The following BASP1 variants were observed in gnomAD, a reference collection of about 807,000 sequenced individuals.
BASP1 encodes the protein brain acid soluble protein 1.
In BASP1, 1 loss-of-function variant was observed where a neutral mutation model predicts 2.2. The observed-to-expected ratio is 0.46, with a 90% CI of 0.16 to 2.17. The LOEUF is 2.17. Ranked by LOEUF, BASP1 falls within the 30% of genes most tolerant of loss-of-function variation. The pLI is 0.27. For missense variants in BASP1, 352 were observed against 327.2 expected (o/e 1.08, Z -0.58); for synonymous variants, 187 against 154.2 (o/e 1.21, Z -1.58).
intron 1 of BASP1, among the ~76,000 whole-genome samples, chr5:17,246,262 A>G (rs1422568772): frequency 1.3e-5 from 2 of 151,940 alleles, no homozygotes; most frequent in Non-Finnish European, 2.9e-5. Context: ...CGGGTGGATC[A>G]TAAGGTCAGG....
intron 1 of BASP1, among the ~76,000 whole-genome samples, chr5:17,226,938 T>C (rs1739520035): frequency 4.5e-5 from 4 of 89,618 alleles, no homozygotes; most frequent in Non-Finnish European, 8.4e-5. Flanking sequence ...TTTCTTTTTT[T>C]TTTTTTTCTT....
chr5:17,238,108 G>T (rs1445729975), intron 1 of BASP1, among the ~76,000 whole-genome samples: 1 of 151,576 alleles, frequency 6.6e-6, no homozygotes, highest in Non-Finnish European at 1.5e-5. Flanking sequence ...TATTTGGTTT[G>T]TGACTTGTTT....
At chr5:17,219,846 T>C (rs78712350) in intron 1 of BASP1, among the ~76,000 whole-genome samples, 4,405 of 152,280 alleles carry the variant, frequency 0.029, 98 homozygotes, top group East Asian at 0.1. Flanking sequence ...GGAAATCTGA[T>C]GGGGGCAGAA....
intron 1 of BASP1, among the ~76,000 whole-genome samples, chr5:17,249,581 G>A (rs969040348): frequency 6.6e-6 from 1 of 151,940 alleles, no homozygotes; most frequent in Non-Finnish European, 1.5e-5. Context: ...CAAAACCAAA[G>A]GGTTTTAACC....
chr5:17,225,761 T>C (rs1338758813), intron 1 of BASP1, among the ~76,000 whole-genome samples: 1 of 152,200 alleles, frequency 6.6e-6, no homozygotes, highest in East Asian at 1.9e-4. Context: ...ATGGAGAGCT[T>C]TTATGCCGAT....
intron 1 of BASP1, among the ~76,000 whole-genome samples, chr5:17,238,251 G>C (rs1356120471): frequency 6.6e-6 from 1 of 151,620 alleles, no homozygotes; most frequent in Non-Finnish European, 1.5e-5. Flanking sequence ...GTCTTATGCA[G>C]GAAAAGTGGT....
chr5:17,249,003 T>C (rs933230106), intron 1 of BASP1, among the ~76,000 whole-genome samples: 1 of 152,206 alleles, frequency 6.6e-6, no homozygotes, highest in African/African-American at 2.4e-5. Flanking sequence ...ATTATATATG[T>C]GTTGCATTGT....
chr5:17,247,575 A>G (rs1740020891), intron 1 of BASP1, among the ~76,000 whole-genome samples: 1 of 152,248 alleles, frequency 6.6e-6, no homozygotes, highest in African/African-American at 2.4e-5. Context: ...TTGTGCCTCT[A>G]TGCACGAATG....
intron 1 of BASP1, among the ~76,000 whole-genome samples, chr5:17,233,866 C>A (rs180826708): frequency 1.3e-5 from 2 of 151,798 alleles, no homozygotes; most frequent in South Asian, 4.2e-4. Context: ...CAGTGGCTCA[C>A]GCCTGTAATG....
chr5:17,274,498 T>C (rs1183925684), intron 1 of BASP1, among the ~76,000 whole-genome samples: 1 of 152,226 alleles, frequency 6.6e-6, no homozygotes, highest in Non-Finnish European at 1.5e-5. Flanking sequence ...GAAAGCATTT[T>C]AAAATTGCAA....
At chr5:17,245,474 A>G (rs1299306658) in intron 1 of BASP1, among the ~76,000 whole-genome samples, 3 of 152,138 alleles carry the variant, frequency 2.0e-5, no homozygotes, top group African/African-American at 7.2e-5. Flanking sequence ...GCTAAATCTA[A>G]ATGCCAAATA....
Position 17,276,739 on chromosome 5 carries a change from C to CAAAAAA in BASP1, c.*844_*849dup. ...CTCATTGGAAAATGGAAAAAAAAAACAAAAAAAAAACAAAAAAATGTACAA... is the reference window on the plus strand; with the variant it reads ...CTCATTGGAAAATGGAAAAAAAAAACAAAAAAAAAAAAAAAACAAAAAAATGTACAA... On this transcript the variant is annotated 3_prime_UTR_variant, in exon 2 of 2. Transcript: ENST00000322611. The CAAAAAA allele has an allele frequency of 1.3e-5, 2 of 148,318 alleles. No individual in the cohort carries two copies. The allele number at this position is 148,318 out of a possible 1,614,324, so 9.2% of individuals were successfully genotyped here.
chr5:17,245,931 C>T (rs186599021), intron 1 of BASP1, among the ~76,000 whole-genome samples: 5 of 151,468 alleles, frequency 3.3e-5, no homozygotes, highest in African/African-American at 1.2e-4. Flanking sequence ...GACAGTAGGG[C>T]ATTACTACTA....
intron 1 of BASP1, among the ~76,000 whole-genome samples, chr5:17,256,739 T>G (rs1301745901): frequency 6.6e-6 from 1 of 152,208 alleles, no homozygotes; most frequent in Non-Finnish European, 1.5e-5. Context: ...GCTGCTTTTC[T>G]AAGGAGAGTG....
intron 1 of BASP1, among the ~76,000 whole-genome samples, chr5:17,219,579 A>G (rs1039939982): frequency 6.6e-6 from 1 of 152,184 alleles, no homozygotes; most frequent in Middle Eastern, 3.2e-3. Flanking sequence ...CTTAATTTGC[A>G]TCAATTAACC....
intron 1 of BASP1, among the ~76,000 whole-genome samples, chr5:17,228,723 G>GTAC (rs1157871924): frequency 1.3e-5 from 2 of 152,176 alleles, no homozygotes. Context: ...TGGGACACAC[G>GTAC]TACAAACACT....
intron 1 of BASP1, among the ~76,000 whole-genome samples, chr5:17,271,913 TA>T (rs1740537417): frequency 6.6e-6 from 1 of 151,612 alleles, no homozygotes. Context: ...CTAAAAATAC[TA>T]AAATTAGCTG....
In BASP1 at chr5:17,243,719, T is replaced by A. The variant is rs187649979; in HGVS notation, c.-10+25909T>A. Among the ~76,000 whole-genome samples, 43 of 152,338 alleles carry A rather than the reference T, an allele frequency of 2.8e-4. No individual in the cohort carries two copies. The East Asian group carries it at 7.3e-3, about 26-fold the overall frequency. On this transcript the variant is annotated intron_variant, in intron 1 of 1. Coordinates refer to ENST00000322611, the MANE Select transcript of BASP1 (RefSeq NM_006317.5). ...TCTCACCATATGATCTTGTTGTTGG[T>A]GAACTTGTCTTATTTATGTGTGACT... is the stretch of plus-strand genomic sequence containing the variant.
At position 17,276,780 on chromosome 5, in the gene BASP1, T is replaced by C. The variant is rs1344903146; in HGVS notation, c.*880T>C. 2 of 165,516 alleles carry C rather than the reference T, an allele frequency of 1.2e-5. No individual in the cohort carries two copies. The highest frequency in any genetic ancestry group is 2.9e-5 in the Non-Finnish European group (2 of 67,936). The allele number at this position is 165,516 out of a possible 1,614,324, so 10.3% of individuals were successfully genotyped here. A position where few individuals can be genotyped will look rare whatever the true frequency, so the allele number is the denominator to read the frequency against. On this transcript the variant is annotated 3_prime_UTR_variant, in exon 2 of 2. Transcript: ENST00000322611. ...AAATGTACAATGGATGCATTGAAAT[T>C]ATATGTAATTGTATAAATGGTGCAA...
Sources: allele counts gnomAD v4.1 joint callset (sites outside exome capture counted in the v4.1 genomes callset), GRCh38; gene constraint gnomAD v4.1.1; transcripts MANE v1.5; gene names NCBI Gene and HGNC (gene_info 2026-07-23, HGNC 2026-07-21).